CSMD3: variants seen among roughly 807,000 people sequenced by gnomAD.
CSMD3 encodes CUB and sushi domain-containing protein 3.
Under a neutral mutation model 435.2 loss-of-function variants are expected in CSMD3, and 177 were observed. The observed-to-expected ratio is 0.41, with a 90% CI of 0.36 to 0.46. The LOEUF (loss-of-function observed/expected upper bound fraction) is 0.46. Ranked by LOEUF, CSMD3 falls within the 20% of genes least tolerant of loss-of-function variation. The probability of loss-of-function intolerance (pLI) is 0.34; values close to 1 mark genes in which losing one functional copy is unlikely to be tolerated. For missense variants in CSMD3, 4,265 were observed against 4,504.6 expected (o/e 0.95, Z 1.52); for synonymous variants, 1,656 against 1,520.5 (o/e 1.09, Z -2.07).
At chr8:112,602,242 A>G (rs1832415686) in intron 22 of CSMD3, among the ~76,000 whole-genome samples, 1 of 152,210 alleles carries the variant, frequency 6.6e-6, no homozygotes, top group Admixed American at 6.5e-5. Context: ...TTTATAACAT[A>G]ATCAGCACTT....
chr8:113,328,100 C>CACACACACAG (rs749339396), intron 1 of CSMD3, among the ~76,000 whole-genome samples: 1 of 149,538 alleles, frequency 6.7e-6, no homozygotes, highest in African/African-American at 2.4e-5. Flanking sequence ...CACACACAGA[C>CACACACACAG]ACACACACAC....
At chr8:112,764,928 G>T (rs1311167416) in intron 13 of CSMD3, among the ~76,000 whole-genome samples, 1 of 151,430 alleles carries the variant, frequency 6.6e-6, no homozygotes, top group Non-Finnish European at 1.5e-5. Flanking sequence ...GTAGAGAAAA[G>T]ATTAGTATAT....
At chr8:112,792,191 T>C (rs1230805003) in intron 13 of CSMD3, among the ~76,000 whole-genome samples, 1 of 152,152 alleles carries the variant, frequency 6.6e-6, no homozygotes, top group Non-Finnish European at 1.5e-5. Flanking sequence ...TTTGATGAAG[T>C]CCAATTTATC....
chr8:113,199,508 C>T (rs1450171202), intron 3 of CSMD3, among the ~76,000 whole-genome samples: 1 of 151,516 alleles, frequency 6.6e-6, no homozygotes, highest in Non-Finnish European at 1.5e-5. Context: ...TTAATAACAC[C>T]TTAAATTTAA....
At position 112,494,161 on chromosome 8, in the gene CSMD3, C is replaced by T. The variant is rs556033325; in HGVS notation, c.5084-1478G>A. Among the ~76,000 whole-genome samples the T allele has an allele frequency of 1.3e-3, 191 of 152,148 alleles. 1 individual carries two copies. The highest frequency in any genetic ancestry group is 4.6e-3 in the African/African-American group (189 of 41,534). On this transcript the variant is annotated intron_variant, in intron 30 of 70. Coordinates refer to ENST00000297405, the MANE Select transcript of CSMD3 (RefSeq NM_198123.2). ...AGAAATCTGTGCTTTAAGAAGAACA[C>T]TATATATAATTTCTCCCAATTCAAC... is the stretch of plus-strand genomic sequence containing the variant.
At chr8:112,950,435 G>C (rs1234273733) in intron 8 of CSMD3, among the ~76,000 whole-genome samples, 1 of 151,908 alleles carries the variant, frequency 6.6e-6, no homozygotes, top group Admixed American at 6.6e-5. Context: ...TAATGGACAA[G>C]CAGTTTGTGA....
At chr8:113,362,264 C>G (rs900227817) in intron 1 of CSMD3, among the ~76,000 whole-genome samples, 1 of 151,696 alleles carries the variant, frequency 6.6e-6, no homozygotes, top group Non-Finnish European at 1.5e-5. Context: ...ATTATTTGCC[C>G]AAGGGAAAAA....
rs2130114189 is a variant in CSMD3 at position 112,244,539 on chromosome 8, A to T, written c.10257T>A (p.His3419Gln). ...HSCKQPETPA[H>Q]ANVVGMDLPS... ...GAAGGTCCATCCCTACGACATTTGC[A>T]TGAGCAGGAGTTTCTGGCTGTTTAC... Residue 3419 changes from histidine (H) to glutamine (Q), a missense_variant, in exon 65 of 71, where the codon CAT (histidine) becomes CAA (glutamine). This residue lies in a region of CSMD3 where 3,255 missense variants were observed against 3,380.2 expected (regional missense o/e 0.96). Transcript: ENST00000297405. 1.2e-6 allele frequency: 2 copies of T among 1,613,894 alleles called. No homozygotes were observed. The highest frequency in any genetic ancestry group is 1.7e-6 in the Non-Finnish European group (2 of 1,179,842).
chr8:113,320,476 G>A (rs1244603870), intron 1 of CSMD3, among the ~76,000 whole-genome samples: 2 of 151,892 alleles, frequency 1.3e-5, no homozygotes, highest in Non-Finnish European at 2.9e-5. Flanking sequence ...TTTTTTGAGC[G>A]TGCTAAGGTT....
At chr8:112,359,027 C>T (rs1030514393) in intron 38 of CSMD3, among the ~76,000 whole-genome samples, 3 of 151,982 alleles carry the variant, frequency 2.0e-5, no homozygotes, top group African/African-American at 4.8e-5. Context: ...AAAATGTTTG[C>T]TTTTTTGCCA....
chr8:112,282,494 G>C (rs1400475265), intron 58 of CSMD3, among the ~76,000 whole-genome samples: 1 of 144,366 alleles, frequency 6.9e-6, no homozygotes, highest in Admixed American at 7.3e-5. Context: ...AGAAGGATTT[G>C]AGATAATGTC....
At chr8:112,583,773 C>A (rs1830507775) in intron 23 of CSMD3, among the ~76,000 whole-genome samples, 1 of 151,584 alleles carries the variant, frequency 6.6e-6, no homozygotes, top group African/African-American at 2.4e-5. Context: ...GTTAAAATAC[C>A]CATTAAGTAA....
At chr8:112,488,090 A>G (rs1820315268) in intron 31 of CSMD3, among the ~76,000 whole-genome samples, 1 of 152,202 alleles carries the variant, frequency 6.6e-6, no homozygotes, top group African/African-American at 2.4e-5. Context: ...ATCACTGAAC[A>G]GGACTTACCA....
chr8:112,242,563 A>G (rs1814272677), intron 65 of CSMD3, among the ~76,000 whole-genome samples: 1 of 152,086 alleles, frequency 6.6e-6, no homozygotes, highest in Non-Finnish European at 1.5e-5. Flanking sequence ...AAAAAGGGGA[A>G]CAGACGAAAA....
chr8:113,157,337 T>A (rs1239299732), intron 4 of CSMD3, among the ~76,000 whole-genome samples: 1 of 152,134 alleles, frequency 6.6e-6, no homozygotes, highest in Non-Finnish European at 1.5e-5. Flanking sequence ...CAAAGTCCCT[T>A]GTCTCTGACC....
intron 4 of CSMD3, among the ~76,000 whole-genome samples, chr8:113,153,677 G>A (rs2091877371): frequency 6.6e-6 from 1 of 152,030 alleles, no homozygotes; most frequent in South Asian, 2.1e-4. Context: ...ATTCACAGCT[G>A]CATAAGTGTT....
chr8:113,214,791 C>A (rs12682363), intron 3 of CSMD3, among the ~76,000 whole-genome samples: 25,513 of 151,528 alleles, frequency 0.17, 4,076 homozygotes, highest in African/African-American at 0.42. Context: ...ATACAGAGAA[C>A]AATAAAATGT....
intron 23 of CSMD3, among the ~76,000 whole-genome samples, chr8:112,582,939 G>T (rs969877049): frequency 6.6e-6 from 1 of 152,112 alleles, no homozygotes; most frequent in East Asian, 1.9e-4. Flanking sequence ...CCTTAGTCTT[G>T]AACTTACCAG....
chr8:112,693,663 A>C (rs1444755590), intron 13 of CSMD3, among the ~76,000 whole-genome samples: 1 of 151,808 alleles, frequency 6.6e-6, no homozygotes, highest in Non-Finnish European at 1.5e-5. Flanking sequence ...TCAATAGACT[A>C]CTTCTGTCAA....
Sources: allele counts gnomAD v4.1 joint callset (sites outside exome capture counted in the v4.1 genomes callset), GRCh38; gene constraint gnomAD v4.1.1; regional missense constraint gnomAD v4.1.1; transcripts MANE v1.5; gene names NCBI Gene and HGNC (gene_info 2026-07-23, HGNC 2026-07-21).